The following NPHP4 variants were observed in gnomAD, a reference collection of about 807,000 sequenced individuals.
NPHP4 encodes the protein nephrocystin 4, also known as nephrocystin-4.
A neutral mutation model predicts 155.8 loss-of-function variants in NPHP4; 151 were observed. That is an observed-to-expected ratio of 0.97 (90% CI 0.85 to 1.11). NPHP4 has a LOEUF of 1.11. Among genes scored for constraint, NPHP4 ranks in the 50% least tolerant of loss-of-function variants. NPHP4 has a pLI of 0.00. For synonymous variants in NPHP4, 845 were observed against 816.8 expected (o/e 1.03, Z -0.59); for missense variants, 1,956 against 1,925.7 (o/e 1.02, Z -0.29).
In NPHP4 at chr1:5,980,247, C is replaced by G. The variant is rs139487705; in HGVS notation, c.136-1834G>C. Among the ~76,000 whole-genome samples the G allele has an allele frequency of 4.5e-3, 684 of 152,340 alleles. 3 individuals carry two copies. The highest frequency in any genetic ancestry group is 6.2e-3 in the Non-Finnish European group (425 of 68,036). The stretch of plus-strand genomic sequence containing the variant: ...GTGGCCTGTGGGACATGGCCTACCC[C>G]TCGTCTTGGGAGCCCTGAGTAACAG... On this transcript the variant is annotated intron_variant, in intron 2 of 29. Transcript: ENST00000378156.
intron 11 of NPHP4, among the ~76,000 whole-genome samples, chr1:5,915,584 G>A (rs1001736791): frequency 5.0e-4 from 76 of 152,266 alleles, no homozygotes; most frequent in African/African-American, 1.8e-3. Flanking sequence ...CTGTGCTGCA[G>A]GAGTCCAGAT....
intron 2 of NPHP4, among the ~76,000 whole-genome samples, chr1:5,985,286 C>T (rs1655301270): frequency 6.6e-6 from 1 of 152,392 alleles, no homozygotes; most frequent in South Asian, 2.1e-4. Flanking sequence ...CCTTCTCACG[C>T]ATTCCCACCG....
intron 9 of NPHP4, among the ~76,000 whole-genome samples, chr1:5,945,282 C>T (rs534488003): frequency 2.7e-4 from 41 of 152,208 alleles, no homozygotes; most frequent in African/African-American, 8.2e-4. Context: ...ATTTCTCCTC[C>T]GCTCACTCCC....
In NPHP4 at chr1:5,874,897, C is replaced by A. The variant is rs1172076634; in HGVS notation, c.3021G>T (p.Val1007=). ...ACCTGAGCTCGGGGTTGTCGATCTC[C>A]ACAGTCACCGTGTGCTGTGTGTTGT... ...NPHNTQHTVT[V]EIDNPELSVI... Residue 1007 remains valine (V), a synonymous_variant, in exon 21 of 30, where the codon GTG becomes GTT. Transcript: ENST00000378156. 1 of 1,613,846 alleles carries A rather than the reference C, an allele frequency of 6.2e-7. No homozygotes were observed. Among genetic ancestry groups the A allele is most frequent in the South Asian group, 1.1e-5 (1 of 91,068 alleles).
At chr1:5,921,906 G>A (rs1024707927) in intron 11 of NPHP4, among the ~76,000 whole-genome samples, 6 of 152,182 alleles carry the variant, frequency 3.9e-5, no homozygotes, top group Admixed American at 6.5e-5. Context: ...TACTCCTTGC[G>A]GTAAGCGGAG....
chr1:5,933,292 A>C lies in NPHP4; in HGVS notation c.1157T>G (p.Met386Arg). 6.2e-7 allele frequency: 1 copy of C among 1,613,522 alleles called. No individual in the cohort carries two copies. ...SVTSLSNLAC[M>R]HMVRWAVWNP... Reference sequence around the variant, plus strand: ...CCAAACAGCCCAGCGGACCATGTGCATGCATGCCAGGTTGGACAGAGAGGT... The same window carrying C: ...CCAAACAGCCCAGCGGACCATGTGCCTGCATGCCAGGTTGGACAGAGAGGT... The change falls in exon 10 of 30, where the codon ATG becomes AGG. Residue 386 changes from methionine to arginine, a missense_variant. Transcript: ENST00000378156.
At chr1:5,875,881 A>C (rs370077407) in intron 20 of NPHP4, 5 of 152,436 alleles carry the variant, frequency 3.3e-5, no homozygotes, top group African/African-American at 1.2e-4. Flanking sequence ...GGCTGACTTC[A>C]GTGCTTTCAG....
intron 16 of NPHP4, among the ~76,000 whole-genome samples, chr1:5,893,054 G>T (rs1644215923): frequency 6.6e-6 from 1 of 152,232 alleles, no homozygotes; most frequent in Non-Finnish European, 1.5e-5. Context: ...CACGGTGGCA[G>T]GGGTGTGGGG....
chr1:5,980,448 G>A (rs975058103), intron 2 of NPHP4, among the ~76,000 whole-genome samples: 1 of 152,240 alleles, frequency 6.6e-6, no homozygotes, highest in African/African-American at 2.4e-5. Flanking sequence ...ACGGCGCGAG[G>A]AGAAGCTGGG....
In NPHP4 at chr1:5,905,194, A is replaced by T; in HGVS notation, c.1955+98T>A. 1.0e-6 allele frequency: 1 copy of T among 988,464 alleles called. No homozygotes were observed. Among genetic ancestry groups the T allele is most frequent in the Non-Finnish European group, 1.6e-6 (1 of 617,012 alleles). 61.2% of individuals were successfully genotyped at this position (988,464 alleles called of 1,614,324 possible). ...GCACTCCCGAATCTACTAAGACCTC[A>T]GCACAGACAGTTCTGCCAGGTCAGA... On this transcript the variant is annotated intron_variant, in intron 15 of 29. Coordinates refer to ENST00000378156, the MANE Select transcript of NPHP4 (RefSeq NM_015102.5). The surrounding 1 kb of genome is among the most constrained non-coding windows in gnomAD (Gnocchi z 4.0).
intron 3 of NPHP4, among the ~76,000 whole-genome samples, chr1:5,976,410 C>T (rs1380898885): frequency 6.6e-6 from 1 of 152,154 alleles, no homozygotes; most frequent in Non-Finnish European, 1.5e-5. Context: ...CACCAGGTTT[C>T]GGGGGGCTCA....
intron 18 of NPHP4, among the ~76,000 whole-genome samples, chr1:5,884,240 A>G (rs1643569145): frequency 6.6e-6 from 1 of 152,118 alleles, no homozygotes; most frequent in Admixed American, 6.5e-5. Flanking sequence ...GCAGCCCTGC[A>G]GCTGGACCAA....
At chr1:5,970,069 AGAG>A (rs534794733) in intron 3 of NPHP4, among the ~76,000 whole-genome samples, 1 of 152,160 alleles carries the variant, frequency 6.6e-6, no homozygotes, top group Non-Finnish European at 1.5e-5. Flanking sequence ...AGGCCCAGGG[AGAG>A]GAGGCCTGGG....
At chr1:5,978,937 CA>C (rs1399303739) in intron 2 of NPHP4, among the ~76,000 whole-genome samples, 3 of 152,182 alleles carry the variant, frequency 2.0e-5, no homozygotes, top group Non-Finnish European at 4.4e-5. Flanking sequence ...CTCAACTTCC[CA>C]GATTTTGGGG....
chr1:5,865,401 G>A, intron 26 of NPHP4, 128 bp from the exon 27 acceptor site: 1 of 826,164 alleles, frequency 1.2e-6, no homozygotes, highest in East Asian at 2.7e-5. Flanking sequence ...AGAGGACCAG[G>A]CCACAGGAGG....
At chr1:5,971,159 C>T (rs998334009) in intron 3 of NPHP4, among the ~76,000 whole-genome samples, 1 of 152,194 alleles carries the variant, frequency 6.6e-6, no homozygotes, top group Non-Finnish European at 1.5e-5. Flanking sequence ...CTACCTGAAC[C>T]GGGTGGAACC....
At chr1:5,869,392 C>G (rs925890778) in intron 23 of NPHP4, among the ~76,000 whole-genome samples, 1 of 152,190 alleles carries the variant, frequency 6.6e-6, no homozygotes, top group East Asian at 1.9e-4. Context: ...ACACTTCACA[C>G]CTGCACACAC....
At position 5,917,479 on chromosome 1, in the gene NPHP4, G is replaced by A. The variant is rs146519063; in HGVS notation, c.1442-8266C>T. Among the ~76,000 whole-genome samples the A allele has an allele frequency of 6.5e-3, 990 of 152,232 alleles. 8 individuals are homozygous for A. Among genetic ancestry groups the A allele is most frequent in the Non-Finnish European group, 8.5e-3 (578 of 68,008 alleles). ...GTCTTAATGGCATCCTTTGAGTGCCGGGATCCAGCCATGCCTAACATCAGC... is the reference window on the plus strand; with the variant it reads ...GTCTTAATGGCATCCTTTGAGTGCCAGGATCCAGCCATGCCTAACATCAGC... On this transcript the variant is annotated intron_variant, in intron 11 of 29. Transcript: ENST00000378156.
At chr1:5,886,549 A>C (rs1352931140) in intron 18 of NPHP4, 1 of 152,204 alleles carries the variant, frequency 6.6e-6, no homozygotes, top group Non-Finnish European at 1.5e-5. Context: ...GCCCTGAAAA[A>C]TCCCAAACGT....
Sources: allele counts gnomAD v4.1 joint callset (sites outside exome capture counted in the v4.1 genomes callset), GRCh38; gene constraint gnomAD v4.1.1; non-coding constraint Gnocchi (gnomAD v3.1); transcripts MANE v1.5; gene names NCBI Gene and HGNC (gene_info 2026-07-23, HGNC 2026-07-21).